The following LRRTM4 variants were observed in gnomAD, a reference collection of about 807,000 sequenced individuals.
LRRTM4 encodes the protein leucine-rich repeat transmembrane neuronal protein 4.
Under a neutral mutation model 47.6 loss-of-function variants are expected in LRRTM4, and 25 were observed. The ratio of observed to expected loss-of-function variants is 0.53; its 90% CI spans 0.38 to 0.73. The LOEUF is 0.73. Among genes scored for constraint, LRRTM4 ranks in the 30% least tolerant of loss-of-function variants. The pLI, the probability that LRRTM4 is intolerant of heterozygous loss-of-function variation, is 0.00. For missense variants in LRRTM4, 638 were observed against 713.4 expected (o/e 0.89, Z 1.20); for synonymous variants, 311 against 269.5 (o/e 1.15, Z -1.51).
At chr2:77,069,401 A>ATGTGTG (rs3058064) in intron 3 of LRRTM4, among the ~76,000 whole-genome samples, 4,335 of 141,456 alleles carry the variant, frequency 0.031, 104 homozygotes, top group East Asian at 0.12. Flanking sequence ...ACATTTCACT[A>ATGTGTG]TGTGTGTGTG....
At chr2:76,924,437 A>C (rs565667009) in intron 3 of LRRTM4, among the ~76,000 whole-genome samples, 1 of 152,094 alleles carries the variant, frequency 6.6e-6, no homozygotes, top group Non-Finnish European at 1.5e-5. Context: ...TGATAGATGT[A>C]GCTAAAGCCC....
chr2:77,351,497 T>C (rs997331930), intron 3 of LRRTM4, among the ~76,000 whole-genome samples: 16 of 151,684 alleles, frequency 1.1e-4, no homozygotes, highest in African/African-American at 3.6e-4. Flanking sequence ...ATCTGATCCA[T>C]GGAATATTAA....
intron 3 of LRRTM4, among the ~76,000 whole-genome samples, chr2:77,034,208 A>T (rs1168457309): frequency 6.6e-6 from 1 of 151,884 alleles, no homozygotes; most frequent in Non-Finnish European, 1.5e-5. Context: ...TAAACTACAG[A>T]AAAGATATGC....
At chr2:77,400,392 A>T (rs545421380) in intron 3 of LRRTM4, among the ~76,000 whole-genome samples, 1 of 151,732 alleles carries the variant, frequency 6.6e-6, no homozygotes, top group Admixed American at 6.6e-5. Flanking sequence ...TTTCTCTTTC[A>T]TCTCACAGCT....
At chr2:77,430,485 G>C (rs762957902) in intron 3 of LRRTM4, among the ~76,000 whole-genome samples, 1 of 152,176 alleles carries the variant, frequency 6.6e-6, no homozygotes, top group Non-Finnish European at 1.5e-5. Flanking sequence ...ATTTTGGAAG[G>C]CCGAGGCGGG....
chr2:76,771,653 AAAAAG>A (rs765323143), intron 3 of LRRTM4, among the ~76,000 whole-genome samples: 17,208 of 145,774 alleles, frequency 0.12, 1,296 homozygotes, highest in East Asian at 0.37. Context: ...AAAAAAAAAA[AAAAAG>A]AAAAAGAAAA....
intron 3 of LRRTM4, among the ~76,000 whole-genome samples, chr2:77,180,127 A>G (rs1427094075): frequency 1.3e-5 from 2 of 152,152 alleles, no homozygotes; most frequent in African/African-American, 4.8e-5. Flanking sequence ...GGCAATGTAA[A>G]TATTTTGCTG....
chr2:76,975,233 G>A (rs1219878005), intron 3 of LRRTM4, among the ~76,000 whole-genome samples: 1 of 151,628 alleles, frequency 6.6e-6, no homozygotes, highest in African/African-American at 2.4e-5. Context: ...TTACTAGATA[G>A]TGCTCTGTTT....
chr2:77,199,324 A>G (rs1673913082), intron 3 of LRRTM4, among the ~76,000 whole-genome samples: 1 of 152,156 alleles, frequency 6.6e-6, no homozygotes, highest in East Asian at 1.9e-4. Context: ...AATTAAAACT[A>G]TAAAGGGTCA....
chr2:77,331,827 T>G (rs572740448), intron 3 of LRRTM4, among the ~76,000 whole-genome samples: 1 of 152,246 alleles, frequency 6.6e-6, no homozygotes, highest in African/African-American at 2.4e-5. Flanking sequence ...TATATGACAA[T>G]CCAATCCTTC....
intron 3 of LRRTM4, among the ~76,000 whole-genome samples, chr2:77,313,626 C>G (rs923787533): frequency 1.3e-5 from 2 of 152,138 alleles, no homozygotes; most frequent in African/African-American, 4.8e-5. Flanking sequence ...TTGTTTTCAT[C>G]TGCTTTGAAG....
At chr2:77,430,503 C>A (rs574765251) in intron 3 of LRRTM4, among the ~76,000 whole-genome samples, 1 of 152,036 alleles carries the variant, frequency 6.6e-6, no homozygotes, top group African/African-American at 2.4e-5. Context: ...GGGAGGATCA[C>A]CTGACATCGG....
At chr2:77,358,497 C>T (rs1415096314) in intron 3 of LRRTM4, among the ~76,000 whole-genome samples, 1 of 152,160 alleles carries the variant, frequency 6.6e-6, no homozygotes, top group Non-Finnish European at 1.5e-5. Context: ...TAGGCCCCAC[C>T]TCCGACACTG....
intron 3 of LRRTM4, among the ~76,000 whole-genome samples, chr2:76,828,666 T>C (rs2103885694): frequency 6.6e-6 from 1 of 152,126 alleles, no homozygotes; most frequent in East Asian, 1.9e-4. Flanking sequence ...GTTAGATCTT[T>C]GTTTCTTTAC....
In LRRTM4 at chr2:77,078,392, A is replaced by C. The variant is rs199690591; in HGVS notation, c.1552-329476T>G. Among the ~76,000 whole-genome samples the C allele has an allele frequency of 8.6e-3, 1,185 of 137,482 alleles. 6 individuals are homozygous for C. The highest frequency in any genetic ancestry group is 0.026 in the South Asian group (109 of 4,272). 90.2% of individuals were successfully genotyped at this position (137,482 alleles called of 152,430 possible). ...ATTACACACACACCCACACACACAC[A>C]CACACACACACACACATGTTCTGGT... On this transcript the variant is annotated intron_variant, in intron 3 of 3. Transcript: ENST00000409884.
intron 3 of LRRTM4, among the ~76,000 whole-genome samples, chr2:76,897,606 G>C (rs905509402): frequency 6.6e-6 from 1 of 152,112 alleles, no homozygotes; most frequent in Non-Finnish European, 1.5e-5. Context: ...CTTTGTTAAA[G>C]GTAGCCGTTA....
At chr2:77,284,091 C>A (rs778237824) in intron 3 of LRRTM4, among the ~76,000 whole-genome samples, 1 of 152,032 alleles carries the variant, frequency 6.6e-6, no homozygotes, top group Non-Finnish European at 1.5e-5. Context: ...ATCCCTTAGA[C>A]GTATTTTGAA....
At chr2:76,808,493 C>G (rs1411350798) in intron 3 of LRRTM4, among the ~76,000 whole-genome samples, 3 of 151,018 alleles carry the variant, frequency 2.0e-5, no homozygotes, top group African/African-American at 7.3e-5. Flanking sequence ...CAGGAACTAC[C>G]TGAAATCCAA....
At chr2:77,488,118 G>A (rs1294883777) in intron 3 of LRRTM4, among the ~76,000 whole-genome samples, 1 of 152,190 alleles carries the variant, frequency 6.6e-6, no homozygotes, top group African/African-American at 2.4e-5. Context: ...AGGAGCTGCA[G>A]CTCTTTGGGG....
Sources: gnomAD v4.1 joint callset for allele counts (sites outside exome capture counted in the v4.1 genomes callset) on GRCh38, gnomAD v4.1.1 for gene constraint, MANE v1.5 for transcripts, NCBI Gene and HGNC (gene_info 2026-07-23, HGNC 2026-07-21) for gene names.